The following RBFOX1 variants were observed in gnomAD, a reference collection of about 807,000 sequenced individuals.
The protein encoded by RBFOX1 is RNA binding fox-1 homolog 1.
A neutral mutation model predicts 57.7 loss-of-function variants in RBFOX1; 8 were observed. That is an observed-to-expected ratio of 0.14 (90% CI 0.08 to 0.25). The LOEUF is 0.25. Among genes scored for constraint, RBFOX1 ranks in the 10% least tolerant of loss-of-function variants. The probability of loss-of-function intolerance (pLI) is 1.00; values close to 1 mark genes in which losing one functional copy is unlikely to be tolerated. For missense variants in RBFOX1, 611 were observed against 548.5 expected, an observed-to-expected ratio of 1.11 and a Z score of -1.14; for synonymous variants, 326 against 222.4, an observed-to-expected ratio of 1.47 and a Z score of -4.15.
At chr16:6,412,052 A>C (rs1216509572) in intron 2 of RBFOX1, among the ~76,000 whole-genome samples, 1 of 151,698 alleles carries the variant, frequency 6.6e-6, no homozygotes, top group East Asian at 1.9e-4. Flanking sequence ...AAATTGCTTG[A>C]AACCCGGGAG....
chr16:6,468,104 A>G (rs1940679030), intron 2 of RBFOX1, among the ~76,000 whole-genome samples: 1 of 152,160 alleles, frequency 6.6e-6, no homozygotes, highest in African/African-American at 2.4e-5. Flanking sequence ...TTCTCTGCAC[A>G]GAAATACTTT....
Position 7,169,417 on chromosome 16 carries a change from G to A in RBFOX1, c.27+117319G>A, listed in dbSNP as rs191563371. Among the ~76,000 whole-genome samples the A allele has an allele frequency of 7.4e-4, 112 of 152,314 alleles. No individual in the cohort carries two copies. In the Middle Eastern group the frequency reaches 0.014, roughly 19 times the overall value. ...TGGGGGATCCACTGTGCATTTGCACGATGTTTAACGGAATCCCTGACCTAG... is the reference window on the plus strand; with the variant it reads ...TGGGGGATCCACTGTGCATTTGCACAATGTTTAACGGAATCCCTGACCTAG... On this transcript the variant is annotated intron_variant, in intron 4 of 15. Coordinates refer to ENST00000550418, the MANE Select transcript of RBFOX1 (RefSeq NM_018723.4).
Position 5,454,897 on chromosome 16 carries a change from TC to T in RBFOX1, c.220-12318del, listed in dbSNP as rs1567535132. 7.9e-5 allele frequency among the ~76,000 whole-genome samples: 9 copies of T among 114,418 alleles called. 1 individual carries two copies. The highest frequency in any genetic ancestry group is 5.2e-4 in the East Asian group (2 of 3,854). 75.1% of individuals were successfully genotyped at this position (114,418 alleles called of 152,430 possible). ...TTCTTTCTTTCTTTCTTTCTTTCTT[TC>T]TTTCTTTCTTTCTTTCCTTTGTTTC... On this transcript the variant is annotated intron_variant, in intron 1 of 2. Coordinates refer to the RBFOX1 transcript ENST00000585867.
intron 3 of RBFOX1, among the ~76,000 whole-genome samples, chr16:5,750,462 G>A (rs1405612016): frequency 6.6e-6 from 1 of 152,242 alleles, no homozygotes; most frequent in East Asian, 1.9e-4. Context: ...CGTGCCCCCA[G>A]AGGTGGAGTC....
At chr16:6,937,709 C>T (rs1197185932) in intron 3 of RBFOX1, among the ~76,000 whole-genome samples, 2 of 151,936 alleles carry the variant, frequency 1.3e-5, no homozygotes, top group Non-Finnish European at 2.9e-5. Flanking sequence ...GAGTTATTAT[C>T]GATAGAAAAG....
At chr16:6,901,158 C>G (rs181865569) in intron 3 of RBFOX1, among the ~76,000 whole-genome samples, 1 of 152,108 alleles carries the variant, frequency 6.6e-6, no homozygotes, top group Non-Finnish European at 1.5e-5. Context: ...TTTCATGTCT[C>G]CCATCCTAGT....
rs71408412 is a variant in RBFOX1, at chr16:6,863,725, C to CTTTTTTTTTTTTTTTTTTTTT, written c.-15-188325_-15-188305dup. 2.0e-3 allele frequency among the ~76,000 whole-genome samples: 136 copies of CTTTTTTTTTTTTTTTTTTTTT among 67,752 alleles called. 26 individuals carry two copies. Among genetic ancestry groups the CTTTTTTTTTTTTTTTTTTTTT allele is most frequent in the African/African-American group, 2.1e-3 (28 of 13,374 alleles). The allele number at this position is 67,752 out of a possible 152,430, so 44.4% of individuals were successfully genotyped here. A position where few individuals can be genotyped will look rare whatever the true frequency, so the allele number is the denominator to read the frequency against. On this transcript the variant is annotated intron_variant, in intron 3 of 15. Coordinates refer to ENST00000550418, the MANE Select transcript of RBFOX1 (RefSeq NM_018723.4). Reference sequence around the variant, plus strand: ...CGGAAGCACAAATTGGATGCCTGCGCTTTTTTTTTTTTTTTTTTTTTTTTT... The same window carrying CTTTTTTTTTTTTTTTTTTTTT: ...CGGAAGCACAAATTGGATGCCTGCGCTTTTTTTTTTTTTTTTTTTTTTTTTTTTTTTTTTTTTTTTTTTTTT...
rs180801393 is a variant in RBFOX1 at position 5,924,384 on chromosome 16, G to A, written c.351+57049G>A. Among the ~76,000 whole-genome samples, 674 of 152,268 alleles carry A rather than the reference G, an allele frequency of 4.4e-3. 2 individuals carry two copies. The highest frequency in any genetic ancestry group is 7.0e-3 in the Non-Finnish European group (473 of 68,012). ...AGATGGGGCCTAATGAGAGGTGTTC[G>A]GGTCATGAGGGCTGATCCCTCATGA... On this transcript the variant is annotated intron_variant, in intron 4 of 19. Coordinates refer to the RBFOX1 transcript ENST00000641259.
intron 4 of RBFOX1, among the ~76,000 whole-genome samples, chr16:5,907,213 T>A (rs2058481322): frequency 6.6e-6 from 1 of 152,190 alleles, no homozygotes; most frequent in Non-Finnish European, 1.5e-5. Context: ...CAGTGATTTA[T>A]GTGAGAAATC....
chr16:7,128,386 G>T (rs1416025540), intron 4 of RBFOX1, among the ~76,000 whole-genome samples: 3 of 152,156 alleles, frequency 2.0e-5, no homozygotes, highest in Non-Finnish European at 4.4e-5. Flanking sequence ...CTAGTCCAAA[G>T]CCTAGTGGCT....
In RBFOX1 at chr16:7,692,559, C is replaced by G. The variant is rs117883531; in HGVS notation, c.995+15721C>G. 6.5e-3 allele frequency among the ~76,000 whole-genome samples: 991 copies of G among 152,200 alleles called. 8 individuals carry two copies. Among genetic ancestry groups the G allele is most frequent in the Non-Finnish European group, 9.6e-3 (652 of 68,000 alleles). On this transcript the variant is annotated intron_variant, in intron 14 of 15. Transcript: ENST00000550418. ...ACTTTTGAGGCATTTACGAACCTAGCCAACCTCATTGTGCCATTTTTATAA... is the reference window on the plus strand; with the variant it reads ...ACTTTTGAGGCATTTACGAACCTAGGCAACCTCATTGTGCCATTTTTATAA...
chr16:7,091,716 G>C (rs1047761584), intron 4 of RBFOX1, among the ~76,000 whole-genome samples: 43 of 152,098 alleles, frequency 2.8e-4, no homozygotes, highest in African/African-American at 8.2e-4. Context: ...CCCATCCTCA[G>C]TACTGGGGGA....
intron 2 of RBFOX1, among the ~76,000 whole-genome samples, chr16:6,618,079 C>T (rs949857401): frequency 3.3e-5 from 5 of 152,138 alleles, no homozygotes; most frequent in African/African-American, 1.2e-4. Context: ...GTTTCTGCTG[C>T]TCTAGGCGGG....
At chr16:6,440,493 A>G (rs2094353230) in intron 2 of RBFOX1, among the ~76,000 whole-genome samples, 1 of 152,104 alleles carries the variant, frequency 6.6e-6, no homozygotes, top group South Asian at 2.1e-4. Context: ...AGACTATATG[A>G]CAAGGGTAGT....
At chr16:7,566,685 G>A (rs571644558) in intron 5 of RBFOX1, among the ~76,000 whole-genome samples, 10 of 152,062 alleles carry the variant, frequency 6.6e-5, no homozygotes, top group Admixed American at 1.3e-4. Context: ...AGACCATTTA[G>A]CCAGTTTCAC....
At chr16:6,152,330 TTCTC>T (rs1040458747) in intron 1 of RBFOX1, among the ~76,000 whole-genome samples, 1 of 151,768 alleles carries the variant, frequency 6.6e-6, no homozygotes, top group African/African-American at 2.4e-5. Flanking sequence ...CTCTCTGTCT[TTCTC>T]TCTCTCTCTC....
At chr16:6,612,863 A>AAAAAAT (rs59339311) in intron 2 of RBFOX1, among the ~76,000 whole-genome samples, 10,814 of 131,970 alleles carry the variant, frequency 0.082, 683 homozygotes, top group African/African-American at 0.15. Flanking sequence ...AAAAAAAAAA[A>AAAAAAT]AATAATAATA....
At chr16:7,374,647 T>A (rs1011519893) in intron 4 of RBFOX1, among the ~76,000 whole-genome samples, 3 of 152,052 alleles carry the variant, frequency 2.0e-5, no homozygotes, top group Admixed American at 2.0e-4. Context: ...ACAAAAAAAT[T>A]AAAAATAAAA....
intron 3 of RBFOX1, among the ~76,000 whole-genome samples, chr16:6,797,842 C>G (rs902799899): frequency 6.6e-5 from 10 of 152,142 alleles, no homozygotes; most frequent in Non-Finnish European, 1.5e-4. Flanking sequence ...TCTAGAACCA[C>G]TCGACTTGAG....
Sources: gnomAD v4.1 joint callset for allele counts (sites outside exome capture counted in the v4.1 genomes callset) on GRCh38, gnomAD v4.1.1 for gene constraint, MANE v1.5 for transcripts, NCBI Gene and HGNC (gene_info 2026-07-23, HGNC 2026-07-21) for gene names.